The following BTBD9 variants were observed in gnomAD, a reference collection of about 807,000 sequenced individuals.
BTBD9 encodes the protein BTB domain containing 9.
A neutral mutation model predicts 64.3 loss-of-function variants in BTBD9; 49 were observed. That is an observed-to-expected ratio of 0.76 (90% confidence interval 0.61 to 0.97). The LOEUF (loss-of-function observed/expected upper bound fraction) is 0.97, where lower values mean the gene tolerates loss of function less well. Among genes scored for constraint, BTBD9 ranks in the 50% least tolerant of loss-of-function variants. BTBD9 has a pLI of 0.00. For synonymous variants in BTBD9, 260 were observed against 274.7 expected (o/e 0.95, Z 0.53); for missense variants, 598 against 762.1 (o/e 0.78, Z 2.53).
chr6:38,511,543 A>G (rs1386980790), intron 6 of BTBD9, among the ~76,000 whole-genome samples: 1 of 151,652 alleles, frequency 6.6e-6, no homozygotes, highest in Admixed American at 6.6e-5. Context: ...AGATCTCCCT[A>G]TGTTGCCCAG....
chr6:38,413,491 T>C (rs1479606391), intron 6 of BTBD9, among the ~76,000 whole-genome samples: 1 of 152,230 alleles, frequency 6.6e-6, no homozygotes, highest in East Asian at 1.9e-4. Flanking sequence ...GACCTCTAGT[T>C]TGCAAGGCCT....
At chr6:38,503,132 A>C (rs945447502) in intron 6 of BTBD9, among the ~76,000 whole-genome samples, 1 of 151,990 alleles carries the variant, frequency 6.6e-6, no homozygotes, top group Admixed American at 6.5e-5. Context: ...TGCTCTTTCT[A>C]TGTGTCACTT....
intron 6 of BTBD9, among the ~76,000 whole-genome samples, chr6:38,571,087 C>T (rs1052313461): frequency 1.3e-5 from 2 of 152,160 alleles, no homozygotes; most frequent in African/African-American, 2.4e-5. Flanking sequence ...TAAGTATGAA[C>T]TAAAAAGATA....
intron 7 of BTBD9, among the ~76,000 whole-genome samples, chr6:38,296,895 A>C (rs1367302013): frequency 1.3e-5 from 2 of 152,192 alleles, no homozygotes; most frequent in African/African-American, 4.8e-5. Context: ...GTAAAATCTT[A>C]GATTTACTTT....
At position 38,292,413 on chromosome 6, in the gene BTBD9, C is replaced by T. The variant is rs1481435126; in HGVS notation, c.1265-3952G>A. Among the ~76,000 whole-genome samples the T allele has an allele frequency of 2.0e-5, 3 of 152,264 alleles. No homozygotes were observed. In the East Asian group the frequency reaches 5.8e-4, roughly 29 times the overall value. On this transcript the variant is annotated intron_variant, in intron 7 of 10. Transcript: ENST00000481247. ...ATGGTACCAGCTCCTCTTTGTACCT[C>T]TGGTAGAATTCGGCTGTGAATCCTT... is the stretch of plus-strand genomic sequence containing the variant.
At chr6:38,323,882 G>A (rs1763325113) in intron 7 of BTBD9, among the ~76,000 whole-genome samples, 1 of 152,104 alleles carries the variant, frequency 6.6e-6, no homozygotes, top group African/African-American at 2.4e-5. Context: ...GAGGCTGCTG[G>A]AGCCCAGGAG....
intron 8 of BTBD9, among the ~76,000 whole-genome samples, chr6:38,258,281 C>T (rs1388722646): frequency 1.3e-5 from 2 of 152,002 alleles, no homozygotes; most frequent in Admixed American, 6.6e-5. Flanking sequence ...CCACTGCGGC[C>T]GGCCTAAAAA....
intron 4 of BTBD9, among the ~76,000 whole-genome samples, chr6:38,581,761 G>A (rs79260624): frequency 0.016 from 2,374 of 152,214 alleles, 45 homozygotes; most frequent in African/African-American, 0.053. Context: ...GGGTGGGGGG[G>A]AGACCATATC....
intron 6 of BTBD9, among the ~76,000 whole-genome samples, chr6:38,437,996 G>A (rs1242089056): frequency 2.0e-5 from 3 of 151,928 alleles, no homozygotes; most frequent in Non-Finnish European, 4.4e-5. Context: ...TATTGAAGAT[G>A]GAATTCTAAT....
chr6:38,280,217 C>T (rs1761457684), intron 8 of BTBD9, among the ~76,000 whole-genome samples: 1 of 152,206 alleles, frequency 6.6e-6, no homozygotes, highest in Non-Finnish European at 1.5e-5. Flanking sequence ...TTCTGGCCCT[C>T]TATGCATTCA....
intron 6 of BTBD9, among the ~76,000 whole-genome samples, chr6:38,405,617 A>C (rs564591946): frequency 6.6e-4 from 101 of 152,092 alleles, no homozygotes; most frequent in Non-Finnish European, 1.2e-3. Context: ...AAAAAAACAA[A>C]CAATAACACC....
chr6:38,303,578 AGTTT>A lies in BTBD9; in HGVS notation c.1265-15121_1265-15118del, dbSNP rs58324276. Among the ~76,000 whole-genome samples, 995 of 151,944 alleles carry A rather than the reference AGTTT, an allele frequency of 6.5e-3. 11 individuals are homozygous for A. The highest frequency in any genetic ancestry group is 0.02 in the African/African-American group (810 of 41,488). On this transcript the variant is annotated intron_variant, in intron 7 of 10. Coordinates refer to ENST00000481247, the MANE Select transcript of BTBD9 (RefSeq NM_001099272.2). ...CAGTTGTCTCTGTTTACTCTGTGTT[AGTTT>A]GTCAGTTTCCACCTACGCTATGCCT...
intron 7 of BTBD9, among the ~76,000 whole-genome samples, chr6:38,317,887 T>TGA (rs1471372155): frequency 2.6e-5 from 4 of 152,040 alleles, no homozygotes; most frequent in Admixed American, 6.6e-5. Flanking sequence ...GATAGGATTC[T>TGA]GAATTCCTTC....
intron 6 of BTBD9, among the ~76,000 whole-genome samples, chr6:38,541,431 G>A (rs539975646): frequency 6.6e-6 from 1 of 152,282 alleles, no homozygotes; most frequent in East Asian, 1.9e-4. Context: ...CATGGACATA[G>A]AGGTCAATTA....
intron 1 of BTBD9, among the ~76,000 whole-genome samples, chr6:38,634,712 T>C (rs573345183): frequency 6.6e-6 from 1 of 152,272 alleles, no homozygotes; most frequent in South Asian, 2.1e-4. Context: ...CCATGACTCA[T>C]CAGAGATAAA....
intron 9 of BTBD9, among the ~76,000 whole-genome samples, chr6:38,240,129 C>T (rs1370883380): frequency 5.3e-5 from 8 of 152,182 alleles, no homozygotes; most frequent in Non-Finnish European, 8.8e-5. Context: ...GAAGAGAGAA[C>T]GAGTGATTTT....
intron 6 of BTBD9, among the ~76,000 whole-genome samples, chr6:38,481,266 T>C (rs1771130257): frequency 6.6e-6 from 1 of 152,282 alleles, no homozygotes; most frequent in Non-Finnish European, 1.5e-5. Flanking sequence ...GAGACAACCA[T>C]AGCATCATAT....
chr6:38,544,915 A>T (rs1164995072), intron 6 of BTBD9, among the ~76,000 whole-genome samples: 1 of 146,956 alleles, frequency 6.8e-6, no homozygotes. Context: ...AAACAAGAAC[A>T]AAACTACATC....
chr6:38,223,622 C>G (rs140788049), intron 9 of BTBD9, among the ~76,000 whole-genome samples: 3 of 152,148 alleles, frequency 2.0e-5, no homozygotes, highest in Non-Finnish European at 2.9e-5. Context: ...TAGGTGTGAA[C>G]CACTGCACTC....
Sources: gnomAD v4.1 joint callset for allele counts (sites outside exome capture counted in the v4.1 genomes callset) on GRCh38, gnomAD v4.1.1 for gene constraint, MANE v1.5 for transcripts, NCBI Gene and HGNC (gene_info 2026-07-23, HGNC 2026-07-21) for gene names.